ERBIN: variants seen among roughly 807,000 people sequenced by gnomAD.
ERBIN encodes erbb2 interacting protein, also known as densin-180-like protein.
Under a neutral mutation model 158.4 loss-of-function variants are expected in ERBIN, and 60 were observed. The ratio of observed to expected loss-of-function variants is 0.38; its 90% CI spans 0.31 to 0.47. ERBIN has a LOEUF of 0.47. ERBIN is among the 20% of genes least tolerant of loss of function. The pLI is 0.99. For synonymous variants in ERBIN, 594 were observed against 557.2 expected (o/e 1.07, Z -0.93); for missense variants, 1,610 against 1,648.0 (o/e 0.98, Z 0.40).
chr5:66,063,586 G>C (rs152934), intron 21 of ERBIN, among the ~76,000 whole-genome samples: 35 of 151,968 alleles, frequency 2.3e-4, no homozygotes, highest in African/African-American at 6.8e-4. Context: ...AGATGAACCC[G>C]GTACCTCAGT....
At chr5:65,999,718 G>A (rs906542315) in intron 4 of ERBIN, among the ~76,000 whole-genome samples, 1 of 152,148 alleles carries the variant, frequency 6.6e-6, no homozygotes, top group African/African-American at 2.4e-5. Context: ...CTTTTGATTT[G>A]TGTGACTATT....
At chr5:66,023,416 A>C (rs753067662) in intron 9 of ERBIN, 52 bp downstream of exon 9, 85 of 1,185,358 alleles carry the variant, frequency 7.2e-5, no homozygotes, top group Non-Finnish European at 1.0e-4. Flanking sequence ...TCTCCTTTGC[A>C]GTTTTGTGAA....
chr5:66,017,603 A>G (rs1175400834), intron 7 of ERBIN, among the ~76,000 whole-genome samples: 1 of 151,056 alleles, frequency 6.6e-6, no homozygotes, highest in Non-Finnish European at 1.5e-5. Context: ...TACTTTGCAA[A>G]TATTTCTCCC....
chr5:65,935,181 T>C (rs1743928986), intron 1 of ERBIN, among the ~76,000 whole-genome samples: 1 of 152,216 alleles, frequency 6.6e-6, no homozygotes, highest in African/African-American at 2.4e-5. Flanking sequence ...TGATTTATAC[T>C]TCTTTGACTT....
rs1429198648 is a variant in ERBIN, at chr5:66,076,930, C to T, written c.4112C>T (p.Pro1371Leu). 6.2e-7 allele frequency: 1 copy of T among 1,606,150 alleles called. No homozygotes were observed. Among genetic ancestry groups the T allele is most frequent in the South Asian group, 1.1e-5 (1 of 90,100 alleles). ...PEGPASKLLQPGDKIIQANGY... is the reference protein window; with the variant it reads ...PEGPASKLLQLGDKIIQANGY... Reference sequence around the variant, plus strand: ...GGACCAGCATCAAAATTACTGCAGCCAGGTGATAAAATTATTCAGGTAATT... The same window carrying T: ...GGACCAGCATCAAAATTACTGCAGCTAGGTGATAAAATTATTCAGGTAATT... The change falls in exon 25 of 26, where the codon CCA becomes CTA. Residue 1371 changes from proline to leucine, a missense_variant. This residue lies in a region of ERBIN where 1,014 missense variants were observed against 936.1 expected (regional missense o/e 1.08). Transcript: ENST00000284037.
rs144581883 is a variant in ERBIN, at chr5:66,054,707, G to T, written c.3389G>T (p.Arg1130Leu). The change falls in exon 21 of 26, where the codon CGA (arginine) becomes CTA (leucine). Residue 1130 changes from arginine to leucine, a missense_variant. By Grantham distance (102) the Arg-to-Leu change is moderately radical. Coordinates refer to ENST00000284037, the MANE Select transcript of ERBIN (RefSeq NM_001253697.2). ...GGATCACAGAGACCCCTTTCTGCAC[G>T]AACATACAGCATAGATGGTCCAAAT... ...MPGSQRPLSA[R>L]TYSIDGPNAS... is the part of the protein sequence containing the mutation. 199 of 1,614,044 alleles carry T rather than the reference G, an allele frequency of 1.2e-4. 2 individuals carry two copies. In the East Asian group the frequency reaches 4.4e-3, roughly 35 times the overall value.
intron 5 of ERBIN, among the ~76,000 whole-genome samples, chr5:66,013,346 G>C (rs1379195019): frequency 6.6e-6 from 1 of 151,842 alleles, no homozygotes; most frequent in Non-Finnish European, 1.5e-5. Flanking sequence ...CTCATTTTCT[G>C]TTTACAAAGT....
rs1759243665 is a variant in ERBIN, at chr5:66,053,405, G to C, written c.2088-1G>C. On this transcript the variant is annotated splice_acceptor_variant, in intron 20 of 25. Transcript: ENST00000284037. LOFTEE classifies it high-confidence loss of function. ...TTTTCATAAAATTATCTTTATTTTA[G>C]GCAAGAAGATGAAAATTTTAACAGC... 7.0e-7 allele frequency: 1 copy of C among 1,434,632 alleles called. No individual in the cohort carries two copies. 88.9% of individuals were successfully genotyped at this position (1,434,632 alleles called of 1,614,324 possible). A position where few individuals can be genotyped will look rare whatever the true frequency, so the allele number is the denominator to read the frequency against.
intron 1 of ERBIN, among the ~76,000 whole-genome samples, chr5:65,956,546 T>C (rs1747160869): frequency 7.9e-6 from 1 of 126,262 alleles, no homozygotes; most frequent in Non-Finnish European, 1.6e-5. Context: ...ATTTTTTTAC[T>C]TTTTTTTTTT....
At chr5:66,026,148 T>C (rs1264732291) in intron 12 of ERBIN, among the ~76,000 whole-genome samples, 154 bp from the exon 13 acceptor site, 1 of 151,956 alleles carries the variant, frequency 6.6e-6, no homozygotes, top group Admixed American at 6.5e-5. Flanking sequence ...AAATGCTTTC[T>C]TATGTACATA....
At chr5:66,071,748 A>G (rs545503961) in intron 21 of ERBIN, among the ~76,000 whole-genome samples, 2 of 150,920 alleles carry the variant, frequency 1.3e-5, no homozygotes, top group East Asian at 3.9e-4. Context: ...TTTTACCAAA[A>G]ATCTTTTTAT....
intron 1 of ERBIN, among the ~76,000 whole-genome samples, chr5:65,977,429 C>T (rs1285388155): frequency 1.3e-5 from 2 of 151,524 alleles, no homozygotes; most frequent in African/African-American, 4.9e-5. Context: ...AGGGGCTCCT[C>T]ACTTCTCGGA....
chr5:66,078,317 G>C (rs1762198815), intron 25 of ERBIN, 106 bp from the exon 26 acceptor site: 6 of 719,700 alleles, frequency 8.3e-6, no homozygotes, highest in Middle Eastern at 3.3e-4. Flanking sequence ...GTTATTTTAA[G>C]TTGCCAAAGT....
chr5:66,071,308 G>A (rs1761505109), intron 21 of ERBIN, among the ~76,000 whole-genome samples: 1 of 152,138 alleles, frequency 6.6e-6, no homozygotes, highest in South Asian at 2.1e-4. Context: ...AGTCGAGGCT[G>A]CGGTGAGCCT....
At chr5:65,988,452 C>G (rs190382836) in intron 1 of ERBIN, among the ~76,000 whole-genome samples, 183 bp from the exon 2 acceptor site, 1 of 150,376 alleles carries the variant, frequency 6.6e-6, no homozygotes, top group East Asian at 1.9e-4. Context: ...CTTGTGTGTA[C>G]GTTTTTAAGA....
chr5:66,045,410 A>G (rs1758330542), intron 17 of ERBIN, among the ~76,000 whole-genome samples: 1 of 146,178 alleles, frequency 6.8e-6, no homozygotes, highest in Admixed American at 6.7e-5. Flanking sequence ...TATTACATAT[A>G]GCCTATATGT....
Position 66,055,197 on chromosome 5 carries a change from G to A in ERBIN, c.3633+246G>A, listed in dbSNP as rs566793466. 143 of 916,228 alleles carry A rather than the reference G, an allele frequency of 1.6e-4. 1 individual carries two copies. The Middle Eastern group carries it at 2.6e-3, about 17-fold the overall frequency. 56.8% of individuals were successfully genotyped at this position (916,228 alleles called of 1,614,324 possible). A position where few individuals can be genotyped will look rare whatever the true frequency, so the allele number is the denominator to read the frequency against. On this transcript the variant is annotated intron_variant, in intron 21 of 25. Transcript: ENST00000284037. ...ATGTATTAATTTTATATGTTTATGTGTCTGTCTCTTTGAGATTGTGCACAC... is the reference window on the plus strand; with the variant it reads ...ATGTATTAATTTTATATGTTTATGTATCTGTCTCTTTGAGATTGTGCACAC...
At chr5:66,076,250 A>G (rs1373217316) in intron 23 of ERBIN, 66 bp from the exon 24 acceptor site, 2 of 1,175,404 alleles carry the variant, frequency 1.7e-6, no homozygotes, top group East Asian at 2.3e-5. Context: ...GTATTTAAAT[A>G]TGGATGTTGT....
At chr5:66,062,660 T>A (rs903347399) in intron 21 of ERBIN, among the ~76,000 whole-genome samples, 11 of 152,294 alleles carry the variant, frequency 7.2e-5, no homozygotes, top group Admixed American at 1.3e-4. Context: ...TTTTTCCCCA[T>A]CTTTGTGGTT....
Sources: gnomAD v4.1 joint callset for allele counts (sites outside exome capture counted in the v4.1 genomes callset) on GRCh38, gnomAD v4.1.1 for gene constraint, gnomAD v4.1.1 regional missense constraint, MANE v1.5 for transcripts, NCBI Gene and HGNC (gene_info 2026-07-23, HGNC 2026-07-21) for gene names.